Variants in SLX4IP observed in about 807,000 individuals in gnomAD.
The protein encoded by SLX4IP is protein SLX4IP.
SLX4IP carries 34 observed loss-of-function variants against 32.9 expected under a neutral mutation model. That is an observed-to-expected ratio of 1.03 (90% confidence interval 0.79 to 1.38). The LOEUF is 1.38. SLX4IP is among the 40% of genes most tolerant of loss of function. The pLI is 0.00. For synonymous variants in SLX4IP, 172 were observed against 171.7 expected (o/e 1.00, Z -0.01); for missense variants, 444 against 479.0 (o/e 0.93, Z 0.68).
At chr20:10,477,788 C>A (rs1314911286) in intron 2 of SLX4IP, among the ~76,000 whole-genome samples, 1 of 152,028 alleles carries the variant, frequency 6.6e-6, no homozygotes, top group Admixed American at 6.6e-5. Context: ...AGCTGGGAAA[C>A]ATATCTATTT....
chr20:10,559,958 C>T (rs1218230580), intron 3 of SLX4IP, among the ~76,000 whole-genome samples: 3 of 152,162 alleles, frequency 2.0e-5, no homozygotes, highest in Non-Finnish European at 4.4e-5. Context: ...ACTCACTGCT[C>T]AACAGTTTCC....
chr20:10,593,747 A>C (rs572504795), intron 4 of SLX4IP, among the ~76,000 whole-genome samples: 1 of 152,278 alleles, frequency 6.6e-6, no homozygotes, highest in African/African-American at 2.4e-5. Context: ...AAAAAAATTC[A>C]AATGTAGAAT....
At chr20:10,518,450 CCTT>C (rs2065871435) in intron 2 of SLX4IP, among the ~76,000 whole-genome samples, 1 of 83,828 alleles carries the variant, frequency 1.2e-5, no homozygotes, top group Non-Finnish European at 2.8e-5. Flanking sequence ...TTCCTTCCTT[CCTT>C]CCTTCCTTCC....
chr20:10,599,498 C>T (rs553231667), intron 5 of SLX4IP, among the ~76,000 whole-genome samples: 3 of 151,174 alleles, frequency 2.0e-5, no homozygotes, highest in Admixed American at 1.3e-4. Context: ...GTGGTGCAAT[C>T]ATGGCTCACT....
intron 2 of SLX4IP, among the ~76,000 whole-genome samples, chr20:10,540,014 A>G (rs986610204): frequency 4.6e-5 from 7 of 152,062 alleles, no homozygotes; most frequent in African/African-American, 1.2e-4. Context: ...CCCCAGGTTT[A>G]AGTCTCACCA....
chr20:10,491,200 AC>A (rs2122396711), intron 2 of SLX4IP, among the ~76,000 whole-genome samples: 1 of 152,310 alleles, frequency 6.6e-6, no homozygotes, highest in Admixed American at 6.5e-5. Context: ...CATAAGGAAC[AC>A]CCTTGTACTT....
chr20:10,447,814 C>T (rs2065213400), intron 1 of SLX4IP, among the ~76,000 whole-genome samples: 1 of 151,608 alleles, frequency 6.6e-6, no homozygotes, highest in Non-Finnish European at 1.5e-5. Flanking sequence ...GATCCTCCTG[C>T]CTCAGTTTCC....
At chr20:10,548,625 C>G (rs1472058122) in intron 2 of SLX4IP, among the ~76,000 whole-genome samples, 2 of 152,184 alleles carry the variant, frequency 1.3e-5, no homozygotes, top group Non-Finnish European at 2.9e-5. Flanking sequence ...CCTTGTACCC[C>G]ACCTGACAAG....
intron 2 of SLX4IP, among the ~76,000 whole-genome samples, chr20:10,482,912 G>A (rs1443397270): frequency 6.6e-6 from 1 of 152,106 alleles, no homozygotes; most frequent in East Asian, 1.9e-4. Flanking sequence ...TCTGTTTAGT[G>A]TGCATTTTTC....
intron 2 of SLX4IP, among the ~76,000 whole-genome samples, chr20:10,529,314 C>T (rs185823595): frequency 6.6e-6 from 1 of 152,078 alleles, no homozygotes; most frequent in East Asian, 1.9e-4. Context: ...CTGGACCAGG[C>T]GCGGTGGCTC....
chr20:10,578,256 A>G (rs1163518503), intron 4 of SLX4IP, among the ~76,000 whole-genome samples: 1 of 152,218 alleles, frequency 6.6e-6, no homozygotes. Flanking sequence ...CCAGCCACAG[A>G]CAACCAACCA....
At chr20:10,530,674 T>C (rs980079767) in intron 2 of SLX4IP, among the ~76,000 whole-genome samples, 2 of 152,232 alleles carry the variant, frequency 1.3e-5, no homozygotes, top group African/African-American at 4.8e-5. Flanking sequence ...GGCATGAGCA[T>C]AGGCTTTAGT....
chr20:10,553,990 A>G (rs919417053), intron 2 of SLX4IP, among the ~76,000 whole-genome samples: 2 of 152,220 alleles, frequency 1.3e-5, no homozygotes, highest in Non-Finnish European at 1.5e-5. Flanking sequence ...AGTGTTTAAA[A>G]ATTGTTTATT....
chr20:10,497,973 G>A (rs1334141590), intron 2 of SLX4IP, among the ~76,000 whole-genome samples: 1 of 151,474 alleles, frequency 6.6e-6, no homozygotes, highest in African/African-American at 2.4e-5. Flanking sequence ...ATGGAGTCTA[G>A]AGCCAAGTCA....
intron 2 of SLX4IP, among the ~76,000 whole-genome samples, chr20:10,514,621 A>T (rs187015451): frequency 6.6e-6 from 1 of 152,204 alleles, no homozygotes; most frequent in South Asian, 2.1e-4. Flanking sequence ...GGGAGCCTTA[A>T]TGTGGTTAAA....
intron 4 of SLX4IP, among the ~76,000 whole-genome samples, chr20:10,578,774 G>A (rs2066550005): frequency 6.6e-6 from 1 of 152,142 alleles, no homozygotes; most frequent in Non-Finnish European, 1.5e-5. Flanking sequence ...TGTCCTGTGT[G>A]TATGAAGTGT....
chr20:10,471,451 A>G (rs928533328), intron 2 of SLX4IP, among the ~76,000 whole-genome samples: 4 of 152,240 alleles, frequency 2.6e-5, no homozygotes, highest in South Asian at 4.1e-4. Flanking sequence ...GGTTATGACC[A>G]GATGAGCCCA....
At chr20:10,458,780 G>A (rs1484928318) in intron 2 of SLX4IP, among the ~76,000 whole-genome samples, 1 of 152,144 alleles carries the variant, frequency 6.6e-6, no homozygotes, top group Non-Finnish European at 1.5e-5. Context: ...CATTTAGGTT[G>A]ATTCCATGTC....
intron 6 of SLX4IP, among the ~76,000 whole-genome samples, chr20:10,605,049 C>G (rs2066890176): frequency 6.6e-6 from 1 of 152,138 alleles, no homozygotes; most frequent in Non-Finnish European, 1.5e-5. Flanking sequence ...TTTACAAACC[C>G]AAAAGCCTAT....
Sources: allele counts gnomAD v4.1 joint callset (sites outside exome capture counted in the v4.1 genomes callset), GRCh38; gene constraint gnomAD v4.1.1; transcripts MANE v1.5; gene names NCBI Gene and HGNC (gene_info 2026-07-23, HGNC 2026-07-21).